FLNB: variants seen among roughly 807,000 people sequenced by gnomAD.
The protein encoded by FLNB is filamin B, also known as filamin-B.
Under a neutral mutation model 250.6 loss-of-function variants are expected in FLNB, and 111 were observed. The observed-to-expected ratio is 0.44, with a 90% CI of 0.38 to 0.52. The LOEUF (loss-of-function observed/expected upper bound fraction) is 0.52, where lower values mean the gene tolerates loss of function less well. FLNB is among the 20% of genes least tolerant of loss of function. The probability of loss-of-function intolerance (pLI) is 0.00; values close to 1 mark genes in which losing one functional copy is unlikely to be tolerated. For missense variants in FLNB, 2,869 were observed against 3,447.8 expected (o/e 0.83, Z 4.20); for synonymous variants, 1,302 against 1,372.1 (o/e 0.95, Z 1.13).
intron 18 of FLNB, among the ~76,000 whole-genome samples, 170 bp from the exon 19 acceptor site, chr3:58,118,702 T>C (rs569440580): frequency 7.2e-5 from 11 of 152,348 alleles, no homozygotes; most frequent in African/African-American, 2.6e-4. Flanking sequence ...TTTCTGTTAT[T>C]CTTGCCTTGT....
chr3:58,129,296 G>A (rs1345827688), intron 24 of FLNB, among the ~76,000 whole-genome samples: 1 of 152,194 alleles, frequency 6.6e-6, no homozygotes, highest in Non-Finnish European at 1.5e-5. Flanking sequence ...AGGGAATGGT[G>A]ACATGTGTCT....
chr3:58,149,998 G>C lies in FLNB; in HGVS notation c.6240G>C (p.Val2080=). 6.2e-7 allele frequency: 1 copy of C among 1,614,276 alleles called. No individual in the cohort carries two copies. The highest frequency in any genetic ancestry group is 8.5e-7 in the Non-Finnish European group (1 of 1,180,050). Reference sequence around the variant, plus strand: ...CCACCAAATTCGCTGACGAGCACGTGCCTGGTATGTGCATTCCATTCCCCT... The same window carrying C: ...CCACCAAATTCGCTGACGAGCACGTCCCTGGTATGTGCATTCCATTCCCCT... The part of the protein sequence containing the change: ...IVSTKFADEH[V]PGSPFTVKIS... The change falls in exon 37 of 46, where the codon GTG becomes GTC. Residue 2080 remains valine, a synonymous_variant. Coordinates refer to ENST00000295956, the MANE Select transcript of FLNB (RefSeq NM_001457.4).
intron 29 of FLNB, among the ~76,000 whole-genome samples, chr3:58,141,085 CAA>C (rs1283589722): frequency 2.8e-5 from 4 of 142,236 alleles, no homozygotes; most frequent in Non-Finnish European, 4.6e-5. Flanking sequence ...CCATCTCTAC[CAA>C]AAAAAAAAAA....
chr3:58,093,850 T>C (rs1489113831), intron 4 of FLNB, among the ~76,000 whole-genome samples: 1 of 152,184 alleles, frequency 6.6e-6, no homozygotes, highest in African/African-American at 2.4e-5. Context: ...CAATTATATG[T>C]AGTGAAAAAG....
Position 58,142,876 on chromosome 3 carries a change from T to C in FLNB, c.5284+124T>C. On this transcript the variant is annotated intron_variant, in intron 31 of 45. Transcript: ENST00000295956. This position sits in a 1 kb window ranked among gnomAD's most constrained non-coding sequence, Gnocchi z 4.3. Reference sequence around the variant, plus strand: ...CTCCTTAACCCAGGGTCACGAGTTCTTGGTCTCCGGTGTTGGGCCGTGGGC... The same window carrying C: ...CTCCTTAACCCAGGGTCACGAGTTCCTGGTCTCCGGTGTTGGGCCGTGGGC... 1.2e-6 allele frequency: 1 copy of C among 815,474 alleles called. No homozygotes were observed. Among genetic ancestry groups the C allele is most frequent in the South Asian group, 1.4e-5 (1 of 70,176 alleles). 50.5% of individuals were successfully genotyped at this position (815,474 alleles called of 1,614,324 possible).
chr3:58,050,343 AAGGG>A (rs1174761390), intron 1 of FLNB, among the ~76,000 whole-genome samples: 2 of 152,146 alleles, frequency 1.3e-5, no homozygotes, highest in African/African-American at 4.8e-5. Context: ...TTCATTTTTA[AAGGG>A]TAATTTGCTG....
chr3:58,087,779 T>C (rs2097219577), intron 4 of FLNB, among the ~76,000 whole-genome samples: 1 of 149,334 alleles, frequency 6.7e-6, no homozygotes, highest in Non-Finnish European at 1.5e-5. Context: ...TCGCTCTTGT[T>C]GCCCAGGCTG....
intron 25 of FLNB, among the ~76,000 whole-genome samples, chr3:58,131,228 C>G (rs2362908): frequency 0.4 from 61,039 of 151,958 alleles, 14,940 homozygotes; most frequent in East Asian, 0.91. Flanking sequence ...GGGTGGGTTG[C>G]TCTGGATGTG....
intron 11 of FLNB, among the ~76,000 whole-genome samples, chr3:58,105,700 C>T (rs1416181348): frequency 6.6e-6 from 1 of 152,198 alleles, no homozygotes; most frequent in African/African-American, 2.4e-5. Flanking sequence ...CTTATGGTCT[C>T]TGTCACAGTT....
chr3:58,015,732 G>A (rs1472141540), intron 1 of FLNB, among the ~76,000 whole-genome samples: 1 of 152,110 alleles, frequency 6.6e-6, no homozygotes, highest in African/African-American at 2.4e-5. Flanking sequence ...TTTCCAGTCA[G>A]CTTCAGATCC....
Position 58,074,263 on chromosome 3 carries a change from C to T in FLNB, c.293-2783C>T, listed in dbSNP as rs1421172955. Among the ~76,000 whole-genome samples, 6 of 152,150 alleles carry T rather than the reference C, an allele frequency of 3.9e-5. No homozygotes were observed. In the East Asian group the frequency reaches 1.2e-3, roughly 29 times the overall value. ...TAAATCAGAAACTTTAAAAGCGAGC[C>T]CAGCATTCTGTGGTTTAACAGATCC... On this transcript the variant is annotated intron_variant, in intron 1 of 45. Transcript: ENST00000295956.
At position 58,159,699 on chromosome 3, in the gene FLNB, C is replaced by T. The variant is rs1412956366; in HGVS notation, c.7021+13C>T. 1 of 1,611,942 alleles carries T rather than the reference C, an allele frequency of 6.2e-7. No homozygotes were observed. Among genetic ancestry groups the T allele is most frequent in the East Asian group, 2.2e-5 (1 of 44,892 alleles). On this transcript the variant is annotated intron_variant, in intron 42 of 45. Coordinates refer to ENST00000295956, the MANE Select transcript of FLNB (RefSeq NM_001457.4). The stretch of plus-strand genomic sequence containing the variant: ...GAGCTGGAGCCAGGTGAGCAGGAGG[C>T]CTGCTGGGGGGTCCCAGCACCAGCA...
intron 29 of FLNB, among the ~76,000 whole-genome samples, chr3:58,138,773 CA>C (rs771785620): frequency 6.6e-6 from 1 of 152,222 alleles, no homozygotes; most frequent in Non-Finnish European, 1.5e-5. Flanking sequence ...GGGACTTGGG[CA>C]ATATCCTGGC....
intron 25 of FLNB, chr3:58,132,564 G>T: frequency 1.7e-6 from 1 of 576,456 alleles, no homozygotes; most frequent in Non-Finnish European, 3.1e-6. Flanking sequence ...TATACTCTAG[G>T]GCAGACTGAG....
chr3:58,108,288 T>C (rs2097263047), intron 12 of FLNB, among the ~76,000 whole-genome samples, 170 bp from the exon 13 acceptor site: 1 of 152,232 alleles, frequency 6.6e-6, no homozygotes, highest in African/African-American at 2.4e-5. Flanking sequence ...TGTTTTTAAG[T>C]TACAACCTAC....
intron 4 of FLNB, among the ~76,000 whole-genome samples, chr3:58,083,589 A>G (rs1559680913): frequency 6.6e-6 from 1 of 150,916 alleles, no homozygotes; most frequent in Non-Finnish European, 1.5e-5. Context: ...CTGGTCTCCA[A>G]CTCCTGGCCT....
intron 38 of FLNB, 156 bp downstream of exon 38, chr3:58,150,383 A>C: frequency 1.2e-6 from 1 of 817,622 alleles, no homozygotes; most frequent in Non-Finnish European, 2.0e-6. Context: ...ATGTTCTTCT[A>C]TGTTTATTTT....
At chr3:58,094,095 C>T (rs1559687564) in intron 4 of FLNB, among the ~76,000 whole-genome samples, 1 of 152,208 alleles carries the variant, frequency 6.6e-6, no homozygotes, top group Non-Finnish European at 1.5e-5. Flanking sequence ...CGTGTTACCA[C>T]TGGGGAAACT....
chr3:58,032,429 G>A lies in FLNB; in HGVS notation c.292+23573G>A, dbSNP rs184601005. Among the ~76,000 whole-genome samples, 74 of 152,290 alleles carry A rather than the reference G, an allele frequency of 4.9e-4. 1 individual carries two copies. The highest frequency in any genetic ancestry group is 9.4e-4 in the Non-Finnish European group (64 of 68,038). On this transcript the variant is annotated intron_variant, in intron 1 of 45. Coordinates refer to ENST00000295956, the MANE Select transcript of FLNB (RefSeq NM_001457.4). ...AAGGCTTCCTCTGTTGCTTGTGAACGTGGCAGACTTGGGATTCTCAGAGAC... is the reference window on the plus strand; with the variant it reads ...AAGGCTTCCTCTGTTGCTTGTGAACATGGCAGACTTGGGATTCTCAGAGAC...
Sources: allele counts gnomAD v4.1 joint callset (sites outside exome capture counted in the v4.1 genomes callset), GRCh38; gene constraint gnomAD v4.1.1; non-coding constraint Gnocchi (gnomAD v3.1); transcripts MANE v1.5; gene names NCBI Gene and HGNC (gene_info 2026-07-23, HGNC 2026-07-21).